The following VKORC1L1 variants were observed in gnomAD, a reference collection of about 807,000 sequenced individuals.
VKORC1L1 encodes the protein vitamin K epoxide reductase complex subunit 1L1.
Under a neutral mutation model 18.9 loss-of-function variants are expected in VKORC1L1, and 2 were observed. The ratio of observed to expected loss-of-function variants is 0.11; its 90% confidence interval spans 0.04 to 0.33. The LOEUF (loss-of-function observed/expected upper bound fraction) is 0.33. Ranked by LOEUF, VKORC1L1 falls within the 10% of genes least tolerant of loss-of-function variation. The probability of loss-of-function intolerance (pLI) is 1.00; values close to 1 mark genes in which losing one functional copy is unlikely to be tolerated. For missense variants in VKORC1L1, 123 were observed against 224.1 expected (o/e 0.55, Z 2.88); for synonymous variants, 96 against 100.0 (o/e 0.96, Z 0.24).
At chr7:65,950,221 C>T (rs897343830) in intron 2 of VKORC1L1, among the ~76,000 whole-genome samples, 1 of 151,852 alleles carries the variant, frequency 6.6e-6, no homozygotes, top group Non-Finnish European at 1.5e-5. Context: ...TATTGGATCC[C>T]GATACTAGTA....
intron 1 of VKORC1L1, among the ~76,000 whole-genome samples, chr7:65,903,642 C>T (rs368603491): frequency 3.5e-4 from 53 of 152,116 alleles, no homozygotes; most frequent in African/African-American, 1.2e-3. Context: ...CATGGTGGCG[C>T]GCGCCTGTGG....
intron 1 of VKORC1L1, among the ~76,000 whole-genome samples, chr7:65,903,752 T>C (rs1223727055): frequency 7.8e-6 from 1 of 128,130 alleles, no homozygotes; most frequent in African/African-American, 3.1e-5. Context: ...TTAGCCTGGG[T>C]GATAGAGCGA....
At position 65,917,747 on chromosome 7, in the gene VKORC1L1, T is replaced by G. The variant is rs555369314; in HGVS notation, c.195-30924T>G. 3.3e-5 allele frequency among the ~76,000 whole-genome samples: 5 copies of G among 152,382 alleles called. No homozygotes were observed. The South Asian group carries it at 8.3e-4, about 25-fold the overall frequency. On this transcript the variant is annotated intron_variant, in intron 1 of 2. Coordinates refer to ENST00000360768, the MANE Select transcript of VKORC1L1 (RefSeq NM_173517.6). ...AAACTTTCTCCTAAGTACTTTAGCA[T>G]GCATATCATTAGTTCATTATTTGAC...
chr7:65,903,117 C>T (rs772842539), intron 1 of VKORC1L1, among the ~76,000 whole-genome samples: 31 of 151,666 alleles, frequency 2.0e-4, no homozygotes, highest in Admixed American at 1.8e-3. Flanking sequence ...CTGCCCACCT[C>T]GGCCTCCCAA....
intron 1 of VKORC1L1, among the ~76,000 whole-genome samples, chr7:65,915,749 A>G (rs1441270916): frequency 3.3e-5 from 5 of 151,752 alleles, no homozygotes; most frequent in African/African-American, 9.7e-5. Flanking sequence ...ATCAACACCT[A>G]ATTTATTAGG....
rs942241377 is a variant in VKORC1L1 at position 65,954,001 on chromosome 7, G to A, written c.305-73G>A. 9.5e-6 allele frequency: 13 copies of A among 1,375,300 alleles called. No individual in the cohort carries two copies. In the Admixed American group the frequency reaches 2.4e-4, roughly 25 times the overall value. The allele number at this position is 1,375,300 out of a possible 1,614,324, so 85.2% of individuals were successfully genotyped here. ...CAAACACTGCAGCAAGTCACACAGTGTTATTCCTTGTCACTCAGAAAGCCT... is the reference window on the plus strand; with the variant it reads ...CAAACACTGCAGCAAGTCACACAGTATTATTCCTTGTCACTCAGAAAGCCT... On this transcript the variant is annotated intron_variant, in intron 2 of 2. Coordinates refer to ENST00000360768, the MANE Select transcript of VKORC1L1 (RefSeq NM_173517.6).
chr7:65,939,677 GGAAACAAGGCTTAGCAGGA>G (rs940671567), intron 1 of VKORC1L1, among the ~76,000 whole-genome samples: 2 of 152,146 alleles, frequency 1.3e-5, no homozygotes, highest in African/African-American at 4.8e-5. Context: ...CATTTCTGCC[GGAAACAAGGCTTAGCAGGA>G]GAAACAAGGC....
rs1554396812 is a variant in VKORC1L1 at position 65,909,688 on chromosome 7, CTT to C, written c.194+36125_194+36126del. Among the ~76,000 whole-genome samples the C allele has an allele frequency of 9.5e-3, 772 of 81,124 alleles. 13 individuals carry two copies. The highest frequency in any genetic ancestry group is 0.043 in the African/African-American group (739 of 17,114). 53.2% of individuals were successfully genotyped at this position (81,124 alleles called of 152,430 possible). On this transcript the variant is annotated intron_variant, in intron 1 of 2. Coordinates refer to ENST00000360768, the MANE Select transcript of VKORC1L1 (RefSeq NM_173517.6). The stretch of plus-strand genomic sequence containing the variant: ...TGAAGCTTCTAACTTTTGTTTTAGC[CTT>C]TGTGTGTGTGTGTGTGTGTGTGTGT...
intron 1 of VKORC1L1, among the ~76,000 whole-genome samples, chr7:65,878,916 AG>A (rs1190453866): frequency 7.2e-5 from 11 of 152,206 alleles, no homozygotes; most frequent in Non-Finnish European, 1.2e-4. Context: ...TCAAAAAAAA[AG>A]AAAAATTAAA....
intron 1 of VKORC1L1, among the ~76,000 whole-genome samples, chr7:65,943,280 T>C (rs1790066572): frequency 6.6e-6 from 1 of 152,118 alleles, no homozygotes; most frequent in Admixed American, 6.6e-5. Context: ...AAGGAATTTT[T>C]GTAAAAAGAA....
At chr7:65,926,971 G>T (rs1789775684) in intron 1 of VKORC1L1, among the ~76,000 whole-genome samples, 1 of 151,910 alleles carries the variant, frequency 6.6e-6, no homozygotes. Flanking sequence ...GTGGGAGGTT[G>T]GAAGAAAGGT....
chr7:65,928,885 T>C (rs1789810260), intron 1 of VKORC1L1, among the ~76,000 whole-genome samples: 1 of 152,220 alleles, frequency 6.6e-6, no homozygotes, highest in East Asian at 1.9e-4. Flanking sequence ...CTCCACATCC[T>C]CACCAGTACT....
At chr7:65,936,404 G>T (rs1484736707) in intron 1 of VKORC1L1, among the ~76,000 whole-genome samples, 1 of 152,096 alleles carries the variant, frequency 6.6e-6, no homozygotes, top group African/African-American at 2.4e-5. Flanking sequence ...AAGAGTCTGG[G>T]TCCTGTTAAC....
At chr7:65,945,111 A>C (rs1790097152) in intron 1 of VKORC1L1, among the ~76,000 whole-genome samples, 1 of 151,846 alleles carries the variant, frequency 6.6e-6, no homozygotes, top group Non-Finnish European at 1.5e-5. Flanking sequence ...AAATACAAAA[A>C]TTAGCTGGGC....
chr7:65,929,008 T>C (rs1463678152), intron 1 of VKORC1L1, among the ~76,000 whole-genome samples: 1 of 152,222 alleles, frequency 6.6e-6, no homozygotes, highest in Non-Finnish European at 1.5e-5. Flanking sequence ...CATCTTTCCA[T>C]GTGCTTATAT....
upstream of VKORC1L1, among the ~76,000 whole-genome samples, chr7:65,872,433 C>A (rs909658793): frequency 1.3e-5 from 2 of 152,048 alleles, no homozygotes; most frequent in African/African-American, 2.4e-5. Context: ...ATGCCTCAGT[C>A]TCCCGAGTAG....
intron 1 of VKORC1L1, among the ~76,000 whole-genome samples, chr7:65,943,655 G>A (rs1185269677): frequency 6.6e-6 from 1 of 151,998 alleles, no homozygotes; most frequent in Non-Finnish European, 1.5e-5. Context: ...AATTAGGTGG[G>A]GTAGTGGCAG....
chr7:65,934,743 A>G (rs183003773), intron 1 of VKORC1L1, among the ~76,000 whole-genome samples: 107 of 152,232 alleles, frequency 7.0e-4, no homozygotes, highest in African/African-American at 2.5e-3. Flanking sequence ...TACAAATGTT[A>G]AAGCACTTTA....
chr7:65,951,587 T>A (rs894432462), intron 2 of VKORC1L1, among the ~76,000 whole-genome samples: 8 of 151,372 alleles, frequency 5.3e-5, no homozygotes, highest in African/African-American at 9.7e-5. Flanking sequence ...AAAAAAAATA[T>A]ATATATATAT....
Sources: gnomAD v4.1 joint callset for allele counts (sites outside exome capture counted in the v4.1 genomes callset) on GRCh38, gnomAD v4.1.1 for gene constraint, MANE v1.5 for transcripts, NCBI Gene and HGNC (gene_info 2026-07-23, HGNC 2026-07-21) for gene names.